CUL9: variants seen among roughly 807,000 people sequenced by gnomAD.
CUL9 encodes the protein cullin 9.
CUL9 carries 79 observed loss-of-function variants against 272.6 expected under a neutral mutation model. That is an observed-to-expected ratio of 0.29 (90% confidence interval 0.24 to 0.35). The LOEUF is 0.35. Ranked by LOEUF, CUL9 falls within the 10% of genes least tolerant of loss-of-function variation. CUL9 has a pLI of 1.00. For missense variants in CUL9, 2,532 were observed against 3,255.6 expected, an observed-to-expected ratio of 0.78 and a Z score of 5.41; for synonymous variants, 1,186 against 1,286.5, an observed-to-expected ratio of 0.92 and a Z score of 1.67.
Position 43,186,410 on chromosome 6 carries a change from C to T in CUL9, c.1206C>T (p.Asp402=), listed in dbSNP as rs771070924. ...ATTATGAGGAGATCAGTGCTGGGGA[C>T]GAGGGCGAGTTCCGGCAGAGCAACA... ...LDDYEEISAG[D]EGEFRQSNNG... is the part of the protein sequence containing the mutation. The change falls in exon 4 of 41, where the codon GAC becomes GAT. Residue 402 remains aspartate, a synonymous_variant. Transcript: ENST00000252050. 6.2e-6 allele frequency: 10 copies of T among 1,605,324 alleles called. No homozygotes were observed. The highest frequency in any genetic ancestry group is 1.7e-5 in the Admixed American group (1 of 59,770).
At chr6:43,187,546 G>A in intron 6 of CUL9, 107 bp downstream of exon 6, 1 of 1,364,900 alleles carries the variant, frequency 7.3e-7, no homozygotes, top group Non-Finnish European at 1.0e-6. Context: ...GCTGGAGCTA[G>A]AGATTAGAGT....
At position 43,200,869 on chromosome 6, in the gene CUL9, C is replaced by T; in HGVS notation, c.3647+35C>T. ...CACATATATGAATGTTCTGCTGTGC[C>T]CCAGGATACTTCCCCAAAGCACCCA... On this transcript the variant is annotated intron_variant, in intron 16 of 40. Transcript: ENST00000252050. The surrounding 1 kb of genome is among the most constrained non-coding windows in gnomAD (Gnocchi z 4.0). 1.2e-6 allele frequency: 2 copies of T among 1,610,038 alleles called. No individual in the cohort carries two copies. The highest frequency in any genetic ancestry group is 2.2e-5 in the South Asian group (2 of 90,996).
In CUL9 at chr6:43,224,235, G is replaced by A. The variant is rs746961078; in HGVS notation, c.7359-15G>A. The stretch of plus-strand genomic sequence containing the variant: ...TGGCAGCCTCCTCTGGGCTGAGTGT[G>A]GTGGCTCTCCCTAGGCCCCAGGCCT... On this transcript the variant is annotated splice_polypyrimidine_tract_variant and intron_variant, in intron 40 of 40. Coordinates refer to ENST00000252050, the MANE Select transcript of CUL9 (RefSeq NM_015089.4). This position sits in a 1 kb window ranked among gnomAD's most constrained non-coding sequence, Gnocchi z 4.2. The A allele has an allele frequency of 3.1e-6, 5 of 1,614,146 alleles. No homozygotes were observed. In the Admixed American group the frequency reaches 8.3e-5, roughly 27 times the overall value.
chr6:43,214,407 ACT>A (rs1012528275), intron 29 of CUL9, among the ~76,000 whole-genome samples: 2 of 152,164 alleles, frequency 1.3e-5, no homozygotes, highest in African/African-American at 4.8e-5. Flanking sequence ...ACAGAGCAAG[ACT>A]CTGTCTCAAA....
chr6:43,186,937 T>G (rs1772979395), intron 4 of CUL9, 23 bp from the exon 5 acceptor site: 1 of 1,612,582 alleles, frequency 6.2e-7, no homozygotes, highest in African/African-American at 1.3e-5. Flanking sequence ...TATTCTGCTC[T>G]CTTTCTTCCT....
intron 1 of CUL9, among the ~76,000 whole-genome samples, chr6:43,183,705 TCTTCCTTCCTTC>T (rs59921107): frequency 4.7e-4 from 69 of 147,254 alleles, no homozygotes; most frequent in Middle Eastern, 3.4e-3. Context: ...TTCCTTCCTT[TCTTCCTTCCTTC>T]CTTCCTTCCT....
intron 26 of CUL9, among the ~76,000 whole-genome samples, chr6:43,210,985 A>C (rs1479594202): frequency 6.6e-6 from 1 of 152,152 alleles, no homozygotes; most frequent in Non-Finnish European, 1.5e-5. Flanking sequence ...TATTTCTATA[A>C]CTGAATACCC....
At chr6:43,183,701 C>CCTTT (rs10562582) in intron 1 of CUL9, among the ~76,000 whole-genome samples, 2 of 147,426 alleles carry the variant, frequency 1.4e-5, no homozygotes, top group Non-Finnish European at 3.0e-5. Flanking sequence ...CCCCTTCCTT[C>CCTTT]CTTTCTTCCT....
intron 16 of CUL9, among the ~76,000 whole-genome samples, chr6:43,201,955 C>T (rs1038658733): frequency 4.6e-5 from 7 of 152,208 alleles, no homozygotes; most frequent in African/African-American, 1.4e-4. Context: ...AAAGCTCACT[C>T]TGGCAACTAT....
rs61743561 is a variant in CUL9 at position 43,186,049 on chromosome 6, G to A, written c.845G>A (p.Gly282Glu). 0.021 allele frequency: 33,199 copies of A among 1,614,214 alleles called. 455 individuals carry two copies. The highest frequency in any genetic ancestry group is 0.025 in the Non-Finnish European group (29,077 of 1,180,028). Residue 282 changes from glycine (G) to glutamate (E), a missense_variant, in exon 4 of 41, where the codon GGA (glycine) becomes GAA (glutamate). By Grantham distance (98) the Gly-to-Glu change is moderately conservative. This residue lies in a region of CUL9 where 2,218 missense variants were observed against 2,788.6 expected (regional missense o/e 0.80). Transcript: ENST00000252050. ...AATAGCAGTCCAGAGCTGGGAGCTG[G>A]AGACCAAAGCTCCCCATGTGCCACA... ...QLNSSPELGA[G>E]DQSSPCATRE...
At position 43,184,449 on chromosome 6, in the gene CUL9, T is replaced by G. The variant is rs756883508; in HGVS notation, c.139T>G (p.Cys47Gly). 4.5e-5 allele frequency: 73 copies of G among 1,613,200 alleles called. No homozygotes were observed. The highest frequency in any genetic ancestry group is 6.2e-5 in the Non-Finnish European group (73 of 1,179,704). Residue 47 changes from cysteine to glycine, a missense_variant, in exon 2 of 41, where the codon TGT (cysteine) becomes GGT (glycine). By Grantham distance (159) the Cys-to-Gly change is radical (BLOSUM62 -3). This residue lies in a region of CUL9 where 2,218 missense variants were observed against 2,788.6 expected (regional missense o/e 0.80). Coordinates refer to ENST00000252050, the MANE Select transcript of CUL9 (RefSeq NM_015089.4). The surrounding 1 kb of genome is among the most constrained non-coding windows in gnomAD (Gnocchi z 4.8). ...EYLIRWSVLK[C>G]GEVGKVGVEE... Reference sequence around the variant, plus strand: ...CCTGATCCGATGGAGTGTCCTGAAGTGTGGGGAAGTGGGCAAAGTGGGTGT... The same window carrying G: ...CCTGATCCGATGGAGTGTCCTGAAGGGTGGGGAAGTGGGCAAAGTGGGTGT...
chr6:43,198,838 G>A lies in CUL9; in HGVS notation c.3033G>A (p.Leu1011=), dbSNP rs770070427. Residue 1011 remains leucine, a synonymous_variant, in exon 12 of 41, where the codon CTG becomes CTA. Transcript: ENST00000252050. ...ATGCTCCGGGGCCCAACAAGACTCT[G>A]CTGCTGTCTGTGCTGAGGTGAGGGG... ...TLDAPGPNKT[L]LLSVLRVITR... 1.4e-5 allele frequency: 23 copies of A among 1,613,550 alleles called. No individual in the cohort carries two copies. The highest frequency in any genetic ancestry group is 1.9e-5 in the Non-Finnish European group (23 of 1,180,038).
intron 9 of CUL9, 50 bp downstream of exon 9, chr6:43,193,258 C>A (rs1418777729): frequency 6.5e-7 from 1 of 1,540,734 alleles, no homozygotes; most frequent in East Asian, 2.3e-5. Context: ...GACAGGCAGA[C>A]TGGGGACTAC....
chr6:43,209,147 CTTTTTTTT>C (rs59098026), intron 26 of CUL9, among the ~76,000 whole-genome samples: 1 of 131,050 alleles, frequency 7.6e-6, no homozygotes, highest in Admixed American at 7.8e-5. Flanking sequence ...TTCTTTCTTT[CTTTTTTTT>C]TTTTTTTGGA....
chr6:43,184,175 G>T lies in CUL9; in HGVS notation c.-9-127G>T. On this transcript the variant is annotated intron_variant, in intron 1 of 40. Coordinates refer to ENST00000252050, the MANE Select transcript of CUL9 (RefSeq NM_015089.4). This position sits in a 1 kb window ranked among gnomAD's most constrained non-coding sequence, Gnocchi z 4.8. The stretch of plus-strand genomic sequence containing the variant: ...TCCTATTTTTTGCCTTTTCTGTTTG[G>T]CCTCCTAAATTCTACCATGCAGCCT... The T allele has an allele frequency of 1.7e-6, 1 of 589,950 alleles. No homozygotes were observed. The allele number at this position is 589,950 out of a possible 1,614,324, so 36.5% of individuals were successfully genotyped here.
Position 43,188,133 on chromosome 6 carries a change from G to A in CUL9, c.1987+15G>A, listed in dbSNP as rs757534587. 2 of 1,613,080 alleles carry A rather than the reference G, an allele frequency of 1.2e-6. No individual in the cohort carries two copies. Among genetic ancestry groups the A allele is most frequent in the South Asian group, 2.2e-5 (2 of 91,034 alleles). ...GGCAGCCAGTGGTGAGTCAGGTTCTGGGAGGAAGCAATTGGAACAAGTCCT... is the reference window on the plus strand; with the variant it reads ...GGCAGCCAGTGGTGAGTCAGGTTCTAGGAGGAAGCAATTGGAACAAGTCCT... On this transcript the variant is annotated intron_variant, in intron 7 of 40. Coordinates refer to ENST00000252050, the MANE Select transcript of CUL9 (RefSeq NM_015089.4).
At chr6:43,211,614 G>GT (rs1292680929) in intron 26 of CUL9, among the ~76,000 whole-genome samples, 1 of 152,064 alleles carries the variant, frequency 6.6e-6, no homozygotes, top group Admixed American at 6.6e-5. Context: ...AACCCTACCA[G>GT]TTTTTTTATT....
In CUL9 at chr6:43,215,192, A is replaced by G. The variant is rs1562056006; in HGVS notation, c.5802A>G (p.Leu1934=). ...TCCTCTCTTGCATCCTGCACCTCTT[A>G]GGCCAGGGCTACGTGAAACGGCGTG... The part of the protein sequence containing the change: ...TDVLSCILHL[L]GQGYVKRRDD... Residue 1934 remains leucine (L), a synonymous_variant, in exon 30 of 41, where the codon TTA becomes TTG. Transcript: ENST00000252050. 1 of 1,614,150 alleles carries G rather than the reference A, an allele frequency of 6.2e-7. No homozygotes were observed. Among genetic ancestry groups the G allele is most frequent in the Admixed American group, 1.7e-5 (1 of 60,018 alleles).
chr6:43,205,537 G>T, intron 24 of CUL9, 114 bp downstream of exon 24: 1 of 1,281,090 alleles, frequency 7.8e-7, no homozygotes, highest in South Asian at 1.4e-5. Context: ...AGATTAAGAT[G>T]TGGAGATGGC....
Sources: gnomAD v4.1 joint callset for allele counts (sites outside exome capture counted in the v4.1 genomes callset) on GRCh38, gnomAD v4.1.1 for gene constraint, gnomAD v4.1.1 regional missense constraint, Gnocchi (gnomAD v3.1) non-coding constraint, MANE v1.5 for transcripts, NCBI Gene and HGNC (gene_info 2026-07-23, HGNC 2026-07-21) for gene names.